The following PARD3B variants were observed in gnomAD, a reference collection of about 807,000 sequenced individuals.
PARD3B encodes partitioning defective 3 homolog B.
A neutral mutation model predicts 130.2 loss-of-function variants in PARD3B; 103 were observed. The observed-to-expected ratio is 0.79, with a 90% confidence interval of 0.67 to 0.93. The LOEUF (loss-of-function observed/expected upper bound fraction) is 0.93, where lower values mean the gene tolerates loss of function less well. PARD3B is among the 40% of genes least tolerant of loss of function. The probability of loss-of-function intolerance (pLI) is 0.00; values close to 1 mark genes in which losing one functional copy is unlikely to be tolerated. For missense variants in PARD3B, 1,609 were observed against 1,499.2 expected, an observed-to-expected ratio of 1.07 and a Z score of -1.21; for synonymous variants, 583 against 553.2, an observed-to-expected ratio of 1.05 and a Z score of -0.76.
chr2:204,802,044 A>G (rs977415181), intron 2 of PARD3B, among the ~76,000 whole-genome samples: 11 of 152,320 alleles, frequency 7.2e-5, no homozygotes, highest in African/African-American at 2.6e-4. Context: ...GTTGCATCCC[A>G]GGGATGAAGC....
Position 205,352,535 on chromosome 2 carries a change from ATTTGC to A in PARD3B, c.2631-48473_2631-48469del, listed in dbSNP as rs1285270269. Among the ~76,000 whole-genome samples, 1 of 152,196 alleles carries A rather than the reference ATTTGC, an allele frequency of 6.6e-6. No individual in the cohort carries two copies. The highest frequency in any genetic ancestry group is 1.5e-5 in the Non-Finnish European group (1 of 68,032). ...ATTAATACCTATAGGAGAAGAGACT[ATTTGC>A]TTTGATTTACATCTATATCACCTTC... On this transcript the variant is annotated intron_variant, in intron 18 of 22. Transcript: ENST00000406610. This position sits in a 1 kb window ranked among gnomAD's most constrained non-coding sequence, Gnocchi z 5.2.
intron 18 of PARD3B, among the ~76,000 whole-genome samples, chr2:205,317,288 T>C (rs1180488861): frequency 6.6e-6 from 1 of 152,204 alleles, no homozygotes; most frequent in Admixed American, 6.5e-5. Flanking sequence ...GCAATATGTG[T>C]ATAAATTATC....
At position 205,342,265 on chromosome 2, in the gene PARD3B, T is replaced by C. The variant is rs1352070120; in HGVS notation, c.2630+40564T>C. Among the ~76,000 whole-genome samples, 3 of 152,168 alleles carry C rather than the reference T, an allele frequency of 2.0e-5. No individual in the cohort carries two copies. In the East Asian group the frequency reaches 5.8e-4, roughly 29 times the overall value. ...GTGAACAAAACAGATTAATATCCCG[T>C]CTCTACAATTTAATTTTTCTGTGGA... On this transcript the variant is annotated intron_variant, in intron 18 of 22. Transcript: ENST00000406610.
intron 4 of PARD3B, among the ~76,000 whole-genome samples, chr2:205,071,890 A>G (rs1700758979): frequency 6.6e-6 from 1 of 152,190 alleles, no homozygotes; most frequent in South Asian, 2.1e-4. Context: ...AAAAAAAACA[A>G]AAAATGCAAA....
intron 2 of PARD3B, among the ~76,000 whole-genome samples, chr2:204,736,313 CT>C (rs942870747): frequency 7.9e-5 from 12 of 151,622 alleles, no homozygotes; most frequent in South Asian, 4.2e-4. Context: ...GGGTACAGTG[CT>C]TTTTTTTGTT....
Position 205,142,249 on chromosome 2 carries a change from G to A in PARD3B, c.1435-16473G>A, listed in dbSNP as rs1426112955. Among the ~76,000 whole-genome samples the A allele has an allele frequency of 6.6e-6, 1 of 152,078 alleles. No homozygotes were observed. The highest frequency in any genetic ancestry group is 1.5e-5 in the Non-Finnish European group (1 of 68,020). The stretch of plus-strand genomic sequence containing the variant: ...TAAAGAGAGAGCATAAGTTTTAGGT[G>A]GAGAGAATCCCATTTAAATAGTTAA... On this transcript the variant is annotated intron_variant, in intron 10 of 22. Transcript: ENST00000406610. The surrounding 1 kb of genome is among the most constrained non-coding windows in gnomAD (Gnocchi z 4.3).
chr2:204,803,159 AAAAAAT>A (rs1426245764), intron 2 of PARD3B, among the ~76,000 whole-genome samples: 220 of 121,164 alleles, frequency 1.8e-3, no homozygotes, highest in African/African-American at 6.4e-3. Context: ...AAAAAAAAAA[AAAAAAT>A]ATATATATAT....
chr2:205,121,765 A>G lies in PARD3B; in HGVS notation c.981A>G (p.Gly327=). ...KVPPPVHGKS[G]LKTANLTGTD... ...CGCCTCCTGTCCATGGAAAATCGGG[A>G]CTAAAGACAGCAAATCTCACAGGAA... The change falls in exon 8 of 23, where the codon GGA becomes GGG. Residue 327 remains glycine (G), a synonymous_variant. Transcript: ENST00000406610. This position sits in a 1 kb window ranked among gnomAD's most constrained non-coding sequence, Gnocchi z 5.0. 6.2e-7 allele frequency: 1 copy of G among 1,614,080 alleles called. No individual in the cohort carries two copies. Among genetic ancestry groups the G allele is most frequent in the Middle Eastern group, 1.6e-4 (1 of 6,062 alleles).
At position 205,581,267 on chromosome 2, in the gene PARD3B, G is replaced by GATATAGATAGAT. The variant is rs1559238123; in HGVS notation, c.3260+27867_3260+27868insTAGATAGATATA. Among the ~76,000 whole-genome samples the GATATAGATAGAT allele has an allele frequency of 5.0e-3, 543 of 109,632 alleles. 3 individuals are homozygous for GATATAGATAGAT. The highest frequency in any genetic ancestry group is 0.018 in the African/African-American group (511 of 27,690). 71.9% of individuals were successfully genotyped at this position (109,632 alleles called of 152,430 possible). ...ATATATATAGATATATATAGATATA[G>GATATAGATAGAT]ATAGATAGATATAGATATATAGATA... On this transcript the variant is annotated intron_variant, in intron 22 of 22. Coordinates refer to ENST00000406610, the MANE Select transcript of PARD3B (RefSeq NM_001302769.2).
chr2:205,300,365 C>T lies in PARD3B; in HGVS notation c.2186-165C>T, dbSNP rs532773464. 2.7e-4 allele frequency among the ~76,000 whole-genome samples: 41 copies of T among 152,316 alleles called. 1 individual carries two copies. In the South Asian group the frequency reaches 8.1e-3, roughly 30 times the overall value. On this transcript the variant is annotated intron_variant, in intron 16 of 22. Coordinates refer to ENST00000406610, the MANE Select transcript of PARD3B (RefSeq NM_001302769.2). This position sits in a 1 kb window ranked among gnomAD's most constrained non-coding sequence, Gnocchi z 4.1. ...ACAGAGGCTCAGAGAAGTCAAACCA[C>T]TTGTTCAAGGTTACAAAAGGTGGCA...
chr2:205,597,352 G>A (rs931059044), intron 22 of PARD3B, among the ~76,000 whole-genome samples: 4 of 152,144 alleles, frequency 2.6e-5, no homozygotes, highest in Admixed American at 2.6e-4. Flanking sequence ...CAAAGGACAT[G>A]ATTTAGTTCT....
intron 2 of PARD3B, among the ~76,000 whole-genome samples, chr2:204,792,529 C>T (rs1294043191): frequency 6.6e-6 from 1 of 151,870 alleles, no homozygotes; most frequent in East Asian, 1.9e-4. Context: ...CTGAGTTTCC[C>T]TTTCAAGTAA....
chr2:205,554,189 G>A (rs891654166), intron 22 of PARD3B, among the ~76,000 whole-genome samples: 7 of 152,268 alleles, frequency 4.6e-5, no homozygotes, highest in East Asian at 1.9e-4. Context: ...TTAATGCCAC[G>A]CAGAAAGTTG....
intron 1 of PARD3B, among the ~76,000 whole-genome samples, chr2:204,552,309 A>C (rs2125043813): frequency 1.3e-5 from 2 of 152,270 alleles, no homozygotes; most frequent in Middle Eastern, 6.8e-3. Context: ...CACAAAAACT[A>C]GCTGGGTTTG....
intron 2 of PARD3B, among the ~76,000 whole-genome samples, chr2:204,963,304 A>G (rs1237812376): frequency 1.3e-5 from 2 of 152,168 alleles, no homozygotes; most frequent in Non-Finnish European, 2.9e-5. Flanking sequence ...AAAAATATTT[A>G]TCTTACGAGT....
chr2:205,595,553 C>T (rs1461931163), intron 22 of PARD3B, among the ~76,000 whole-genome samples: 1 of 151,928 alleles, frequency 6.6e-6, no homozygotes, highest in African/African-American at 2.4e-5. Flanking sequence ...TTGAGGTTGC[C>T]GCTATACTAA....
intron 15 of PARD3B, among the ~76,000 whole-genome samples, chr2:205,201,903 TATA>T (rs768282871): frequency 6.6e-6 from 1 of 152,202 alleles, no homozygotes; most frequent in Non-Finnish European, 1.5e-5. Flanking sequence ...ATAACTGTAT[TATA>T]ATATGTACAC....
intron 2 of PARD3B, among the ~76,000 whole-genome samples, chr2:204,762,455 G>T (rs1423576762): frequency 6.6e-6 from 1 of 152,084 alleles, no homozygotes; most frequent in Non-Finnish European, 1.5e-5. Context: ...AGCTAGATCA[G>T]ATAAATTTCT....
rs1015199379 is a variant in PARD3B at position 204,563,227 on chromosome 2, C to G, written c.120+17108C>G. On this transcript the variant is annotated intron_variant, in intron 1 of 22. Coordinates refer to ENST00000406610, the MANE Select transcript of PARD3B (RefSeq NM_001302769.2). ...TGCCGTCTTCCCGCTGTCTCTCTCTCTCTCTCTCTCTCTCTCTCTCTCTCT... is the reference window on the plus strand; with the variant it reads ...TGCCGTCTTCCCGCTGTCTCTCTCTGTCTCTCTCTCTCTCTCTCTCTCTCT... Among the ~76,000 whole-genome samples, 124 of 116,752 alleles carry G rather than the reference C, an allele frequency of 1.1e-3. 1 individual carries two copies. The highest frequency in any genetic ancestry group is 4.1e-3 in the African/African-American group (120 of 29,192). 76.6% of individuals were successfully genotyped at this position (116,752 alleles called of 152,430 possible).
Sources: allele counts gnomAD v4.1 joint callset (sites outside exome capture counted in the v4.1 genomes callset), GRCh38; gene constraint gnomAD v4.1.1; non-coding constraint Gnocchi (gnomAD v3.1); transcripts MANE v1.5; gene names NCBI Gene and HGNC (gene_info 2026-07-23, HGNC 2026-07-21).